The following ZC3H14 variants were observed in gnomAD, a reference collection of about 807,000 sequenced individuals.
ZC3H14 encodes zinc finger CCCH domain-containing protein 14.
A neutral mutation model predicts 92.4 loss-of-function variants in ZC3H14; 31 were observed. The ratio of observed to expected loss-of-function variants is 0.34; its 90% CI spans 0.25 to 0.45. ZC3H14 has a LOEUF of 0.45. Among genes scored for constraint, ZC3H14 ranks in the 20% least tolerant of loss-of-function variants. The pLI is 1.00. For synonymous variants in ZC3H14, 321 were observed against 300.9 expected (o/e 1.07, Z -0.69); for missense variants, 781 against 897.3 (o/e 0.87, Z 1.66).
At chr14:88,576,045 A>G in intron 8 of ZC3H14, 105 bp downstream of exon 8, 1 of 1,005,180 alleles carries the variant, frequency 9.9e-7, no homozygotes, top group East Asian at 2.5e-5. Context: ...TGCCTGTCAG[A>G]TGTCAAGACC....
Position 88,621,770 on chromosome 14 carries a change from G to C in ZC3H14, c.*10019G>C. 2.9e-6 allele frequency: 1 copy of C among 344,172 alleles called. No individual in the cohort carries two copies. The highest frequency in any genetic ancestry group is 8.5e-4 in the Middle Eastern group (1 of 1,174). The allele number at this position is 344,172 out of a possible 1,614,324, so 21.3% of individuals were successfully genotyped here. On this transcript the variant is annotated 3_prime_UTR_variant, in exon 17 of 17. Coordinates refer to ENST00000251038, the MANE Select transcript of ZC3H14 (RefSeq NM_024824.5). The stretch of plus-strand genomic sequence containing the variant: ...CTCAAAAATTTTCATAGGAGTTGTA[G>C]TTTTGAATTTTTATTTTGAAATTGA...
intron 12 of ZC3H14, among the ~76,000 whole-genome samples, chr14:88,605,610 A>G (rs1490768492): frequency 3.3e-5 from 5 of 152,348 alleles, no homozygotes; most frequent in African/African-American, 1.2e-4. Flanking sequence ...CTGGGGTTAC[A>G]GGCATGAGCC....
In ZC3H14 at chr14:88,575,826, C is replaced by A. The variant is rs765971399; in HGVS notation, c.1023-14C>A. Reference sequence around the variant, plus strand: ...TTTAAAGTTTAATAAAAATACCTTTCTTAACTCTTTTAGACCTTCTCTTCC... The same window carrying A: ...TTTAAAGTTTAATAAAAATACCTTTATTAACTCTTTTAGACCTTCTCTTCC... On this transcript the variant is annotated splice_polypyrimidine_tract_variant and intron_variant, in intron 7 of 16. Coordinates refer to ENST00000251038, the MANE Select transcript of ZC3H14 (RefSeq NM_024824.5). 6.2e-7 allele frequency: 1 copy of A among 1,600,642 alleles called. No homozygotes were observed.
In ZC3H14 at chr14:88,615,409, C is replaced by G. The variant is rs1254943239; in HGVS notation, c.*3658C>G. 6.3e-6 allele frequency: 1 copy of G among 158,376 alleles called. No individual in the cohort carries two copies. The highest frequency in any genetic ancestry group is 2.0e-4 in the South Asian group (1 of 4,884). The allele number at this position is 158,376 out of a possible 1,614,324, so 9.8% of individuals were successfully genotyped here. On this transcript the variant is annotated 3_prime_UTR_variant, in exon 17 of 17. Coordinates refer to ENST00000251038, the MANE Select transcript of ZC3H14 (RefSeq NM_024824.5). Reference sequence around the variant, plus strand: ...ATAAAATATTTCATTAAACAATGAACCTTGAAAATAAAATATAAACATTAA... The same window carrying G: ...ATAAAATATTTCATTAAACAATGAAGCTTGAAAATAAAATATAAACATTAA...
chr14:88,607,741 G>T (rs2085732456), intron 13 of ZC3H14, among the ~76,000 whole-genome samples: 1 of 94,916 alleles, frequency 1.1e-5, no homozygotes, highest in Non-Finnish European at 2.0e-5. Flanking sequence ...AGCCCTGTAA[G>T]TGCGAGTACC....
At chr14:88,605,853 A>AT (rs1372111753) in intron 12 of ZC3H14, among the ~76,000 whole-genome samples, 2 of 151,956 alleles carry the variant, frequency 1.3e-5, no homozygotes, top group Admixed American at 1.3e-4. Flanking sequence ...CCTGTTTTGC[A>AT]TTTTTTCCGT....
chr14:88,625,943 T>C lies in ZC3H14; in HGVS notation c.*14192T>C, dbSNP rs965602198. ...AATGCAGGATATTAAAGGAAAGAGA[T>C]GTGGATTGGAAGCCACAGGTCCAGA... On this transcript the variant is annotated 3_prime_UTR_variant, in exon 17 of 17. Transcript: ENST00000251038. The C allele has an allele frequency of 6.6e-6, 1 of 152,148 alleles. No homozygotes were observed. Among genetic ancestry groups the C allele is most frequent in the Non-Finnish European group, 1.5e-5 (1 of 68,028 alleles). 9.4% of individuals were successfully genotyped at this position (152,148 alleles called of 1,614,324 possible).
At position 88,613,458 on chromosome 14, in the gene ZC3H14, T is replaced by G. The variant is rs1297275551; in HGVS notation, c.*1707T>G. Reference sequence around the variant, plus strand: ...TTATAGAACAAATGGGAAACAAGGGTTTAATTTAGTTCAGCCATTTTACAA... The same window carrying G: ...TTATAGAACAAATGGGAAACAAGGGGTTAATTTAGTTCAGCCATTTTACAA... On this transcript the variant is annotated 3_prime_UTR_variant, in exon 17 of 17. Transcript: ENST00000251038. 6.6e-6 allele frequency: 1 copy of G among 152,114 alleles called. No individual in the cohort carries two copies. Among genetic ancestry groups the G allele is most frequent in the Non-Finnish European group, 1.5e-5 (1 of 68,010 alleles). The allele number at this position is 152,114 out of a possible 1,614,324, so 9.4% of individuals were successfully genotyped here.
At chr14:88,611,718 A>AAAC in intron 16 of ZC3H14, 27 bp from the exon 17 acceptor site, 1 of 1,613,942 alleles carries the variant, frequency 6.2e-7, no homozygotes, top group Non-Finnish European at 8.5e-7. Flanking sequence ...CAGATAATTA[A>AAAC]AACAATTTTT....
chr14:88,595,217 C>G, intron 9 of ZC3H14: 1 of 1,539,312 alleles, frequency 6.5e-7, no homozygotes, highest in South Asian at 1.2e-5. Context: ...TTACAGAGAA[C>G]TTGAATTTTT....
At position 88,627,235 on chromosome 14, in the gene ZC3H14, G is replaced by T. The variant is rs890008798; in HGVS notation, c.*15484G>T. 1 of 604,476 alleles carries T rather than the reference G, an allele frequency of 1.7e-6. No homozygotes were observed. The highest frequency in any genetic ancestry group is 2.8e-5 in the East Asian group (1 of 35,894). 37.4% of individuals were successfully genotyped at this position (604,476 alleles called of 1,614,324 possible). ...TATTGAGTCCTTTTCACTTATCTTC[G>T]CTCCATTAACTTTTCTTTATATAAC... On this transcript the variant is annotated 3_prime_UTR_variant, in exon 17 of 17. Transcript: ENST00000251038.
intron 10 of ZC3H14, among the ~76,000 whole-genome samples, chr14:88,597,600 CA>C (rs967708558): frequency 2.0e-5 from 3 of 152,190 alleles, no homozygotes; most frequent in African/African-American, 7.2e-5. Flanking sequence ...CAGCCTCCAC[CA>C]GAGGCCAGAT....
At chr14:88,583,117 T>A (rs1298852434) in intron 9 of ZC3H14, among the ~76,000 whole-genome samples, 1 of 150,988 alleles carries the variant, frequency 6.6e-6, no homozygotes, top group Non-Finnish European at 1.5e-5. Context: ...TTCTATTTCA[T>A]TGACTTGTGC....
At position 88,572,807 on chromosome 14, in the gene ZC3H14, A is replaced by G. The variant is rs779728079; in HGVS notation, c.661A>G (p.Arg221Gly). Residue 221 changes from arginine (R) to glycine (G), a missense_variant, in exon 6 of 17, where the codon AGA (arginine) becomes GGA (glycine). Physicochemically the swap from Arg to Gly is moderately radical, Grantham distance 125 (BLOSUM62 -2). Coordinates refer to ENST00000251038, the MANE Select transcript of ZC3H14 (RefSeq NM_024824.5). ...SIEIYRPPAS[R>G]NADSGVHLNR... The stretch of plus-strand genomic sequence containing the variant: ...TGAAATTTATCGACCACCTGCAAGT[A>G]GAAATGCAGATAGTGGTGTTCATTT... 1 of 1,614,228 alleles carries G rather than the reference A, an allele frequency of 6.2e-7. No individual in the cohort carries two copies.
At chr14:88,575,184 C>G (rs1256482185) in intron 7 of ZC3H14, among the ~76,000 whole-genome samples, 4 of 152,184 alleles carry the variant, frequency 2.6e-5, no homozygotes, top group African/African-American at 9.6e-5. Flanking sequence ...GTGATCTGCC[C>G]TCCTCAGCTT....
chr14:88,563,283 G>C, intron 1 of ZC3H14, 114 bp downstream of exon 1: 1 of 1,534,174 alleles, frequency 6.5e-7, no homozygotes, highest in African/African-American at 1.4e-5. Flanking sequence ...TCCGCTGGAC[G>C]CTCCTGGCGG....
Position 88,620,529 on chromosome 14 carries a change from C to G in ZC3H14, c.*8778C>G. ...TAAGTGTTAACATGAATTCATCAAACATTACCTACTAGTACTTGCTATTAT... is the reference window on the plus strand; with the variant it reads ...TAAGTGTTAACATGAATTCATCAAAGATTACCTACTAGTACTTGCTATTAT... On this transcript the variant is annotated 3_prime_UTR_variant, in exon 17 of 17. Coordinates refer to ENST00000251038, the MANE Select transcript of ZC3H14 (RefSeq NM_024824.5). The surrounding 1 kb of genome is among the most constrained non-coding windows in gnomAD (Gnocchi z 4.3). 1 of 381,108 alleles carries G rather than the reference C, an allele frequency of 2.6e-6. No homozygotes were observed. The allele number at this position is 381,108 out of a possible 1,614,324, so 23.6% of individuals were successfully genotyped here.
At chr14:88,583,137 AT>A (rs200456257) in intron 9 of ZC3H14, among the ~76,000 whole-genome samples, 109 of 52,646 alleles carry the variant, frequency 2.1e-3, no homozygotes, top group South Asian at 0.011. Context: ...CTTTTTTTTT[AT>A]TTTTTTTTTT....
rs373248140 is a variant in ZC3H14, at chr14:88,563,116, C to A, written c.-18C>A. ...GCCAAGCGCCGCGCAGTGCTGAGTT[C>A]CCGCACGCCGCAGAGCCATGGAGAT... is the stretch of plus-strand genomic sequence containing the variant. On this transcript the variant is annotated 5_prime_UTR_variant, in exon 1 of 17. Transcript: ENST00000251038. 2.5e-6 allele frequency: 4 copies of A among 1,585,426 alleles called. No homozygotes were observed. The highest frequency in any genetic ancestry group is 3.4e-6 in the Non-Finnish European group (4 of 1,170,586).
Sources: allele counts gnomAD v4.1 joint callset (sites outside exome capture counted in the v4.1 genomes callset), GRCh38; gene constraint gnomAD v4.1.1; non-coding constraint Gnocchi (gnomAD v3.1); transcripts MANE v1.5; gene names NCBI Gene and HGNC (gene_info 2026-07-23, HGNC 2026-07-21).